NLGN1: variants seen among roughly 807,000 people sequenced by gnomAD.
NLGN1 encodes neuroligin 1, also known as neuroligin-1.
Under a neutral mutation model 65.5 loss-of-function variants are expected in NLGN1, and 12 were observed. The observed-to-expected ratio is 0.18, with a 90% CI of 0.12 to 0.30. The LOEUF (loss-of-function observed/expected upper bound fraction) is 0.30. Ranked by LOEUF, NLGN1 falls within the 10% of genes least tolerant of loss-of-function variation. The probability of loss-of-function intolerance (pLI) is 1.00; values close to 1 mark genes in which losing one functional copy is unlikely to be tolerated. For missense variants in NLGN1, 750 were observed against 1,007.1 expected, an observed-to-expected ratio of 0.74 and a Z score of 3.46; for synonymous variants, 350 against 359.5, an observed-to-expected ratio of 0.97 and a Z score of 0.30.
At chr3:173,983,790 C>G (rs560196634) in intron 4 of NLGN1, among the ~76,000 whole-genome samples, 1 of 152,210 alleles carries the variant, frequency 6.6e-6, no homozygotes, top group African/African-American at 2.4e-5. Context: ...AAAGCAACCC[C>G]CATCCTCACC....
At chr3:173,814,130 G>C (rs74794988) in intron 4 of NLGN1, among the ~76,000 whole-genome samples, 4,560 of 152,268 alleles carry the variant, frequency 0.03, 178 homozygotes, top group East Asian at 0.17. Context: ...TTTCACCCAG[G>C]GTGCGTGTCT....
At chr3:173,614,134 T>C (rs1235770692) in intron 3 of NLGN1, among the ~76,000 whole-genome samples, 1 of 151,858 alleles carries the variant, frequency 6.6e-6, no homozygotes, top group African/African-American at 2.4e-5. Context: ...CTCCAAAAGG[T>C]TTGGGGCTCC....
At chr3:173,480,568 C>T (rs912371317) in intron 2 of NLGN1, among the ~76,000 whole-genome samples, 3 of 152,158 alleles carry the variant, frequency 2.0e-5, no homozygotes, top group African/African-American at 7.2e-5. Flanking sequence ...AGTTACTTTC[C>T]TTATCTCATT....
intron 3 of NLGN1, among the ~76,000 whole-genome samples, chr3:173,798,743 A>G (rs897371575): frequency 6.6e-6 from 1 of 152,082 alleles, no homozygotes; most frequent in Admixed American, 6.6e-5. Flanking sequence ...AATGACCTTG[A>G]AACCGTGACC....
intron 3 of NLGN1, among the ~76,000 whole-genome samples, chr3:173,806,497 A>C (rs1164842650): frequency 3.3e-5 from 5 of 152,138 alleles, no homozygotes; most frequent in African/African-American, 7.2e-5. Context: ...GCATAAAAAA[A>C]GATAATACAT....
chr3:173,795,066 A>C (rs898036629), intron 3 of NLGN1, among the ~76,000 whole-genome samples: 2 of 152,084 alleles, frequency 1.3e-5, no homozygotes, highest in African/African-American at 4.8e-5. Context: ...ACACAAAACT[A>C]AACATAGGGT....
chr3:173,562,846 A>C (rs991462572), intron 2 of NLGN1, among the ~76,000 whole-genome samples: 1 of 152,180 alleles, frequency 6.6e-6, no homozygotes, highest in South Asian at 2.1e-4. Context: ...TCTGTATTCC[A>C]GAAAGCTCTT....
At chr3:173,612,712 C>G (rs6804605) in intron 3 of NLGN1, among the ~76,000 whole-genome samples, 144,243 of 152,178 alleles carry the variant, frequency 0.95, 68,410 homozygotes, top group African/African-American at 0.98. Context: ...CATTGTATCG[C>G]TTTGGTGAAT....
chr3:173,783,708 G>T (rs928390379), intron 3 of NLGN1, among the ~76,000 whole-genome samples: 10 of 152,116 alleles, frequency 6.6e-5, no homozygotes, highest in Admixed American at 3.9e-4. Context: ...TCTGCCTCAT[G>T]GGATTCAGCG....
intron 4 of NLGN1, among the ~76,000 whole-genome samples, chr3:173,854,805 A>G (rs1056239267): frequency 6.6e-6 from 1 of 152,140 alleles, no homozygotes; most frequent in Non-Finnish European, 1.5e-5. Context: ...CATTATTCCC[A>G]TGGTGCAAGG....
At chr3:174,093,445 A>C (rs939391372) in intron 4 of NLGN1, among the ~76,000 whole-genome samples, 14 of 152,204 alleles carry the variant, frequency 9.2e-5, no homozygotes, top group Admixed American at 9.2e-4. Flanking sequence ...TACATGAGCT[A>C]TGCGTTAGAG....
At chr3:173,440,726 A>G (rs1187198317) in intron 2 of NLGN1, among the ~76,000 whole-genome samples, 1 of 152,188 alleles carries the variant, frequency 6.6e-6, no homozygotes, top group Non-Finnish European at 1.5e-5. Context: ...TTCTATTTAT[A>G]GAGCACAGGC....
rs890797103 is a variant in NLGN1 at position 173,560,212 on chromosome 3, G to A, written c.-320-44067G>A. Among the ~76,000 whole-genome samples the A allele has an allele frequency of 9.2e-5, 14 of 152,144 alleles. No homozygotes were observed. In the East Asian group the frequency reaches 2.5e-3, roughly 27 times the overall value. On this transcript the variant is annotated intron_variant, in intron 2 of 6. Coordinates refer to ENST00000457714, the Ensembl canonical transcript of NLGN1. ...TCCCAAAGTGCTGGGATTACTACAA[G>A]CGTGAGCCACCGCGCCCAGCCTAGA...
chr3:173,440,341 T>G (rs567463525), intron 2 of NLGN1, among the ~76,000 whole-genome samples: 1 of 152,178 alleles, frequency 6.6e-6, no homozygotes, highest in African/African-American at 2.4e-5. Context: ...GTTGATATTT[T>G]GATCTCCTCC....
chr3:173,866,644 G>A (rs1479486958), intron 4 of NLGN1, among the ~76,000 whole-genome samples: 1 of 152,060 alleles, frequency 6.6e-6, no homozygotes, highest in African/African-American at 2.4e-5. Flanking sequence ...AACCTCAGCG[G>A]CATTCAATTG....
intron 3 of NLGN1, among the ~76,000 whole-genome samples, chr3:173,800,589 A>AT (rs937342263): frequency 4.9e-4 from 72 of 146,730 alleles, no homozygotes; most frequent in Admixed American, 2.5e-3. Context: ...AAAGAGGGGC[A>AT]TTTTTTTTTT....
chr3:173,527,248 C>T (rs1384369861), intron 2 of NLGN1, among the ~76,000 whole-genome samples: 3 of 152,136 alleles, frequency 2.0e-5, no homozygotes, highest in African/African-American at 7.2e-5. Flanking sequence ...TGGATAAAAG[C>T]CACTCTAACT....
At chr3:173,939,520 T>G (rs1351754062) in intron 4 of NLGN1, among the ~76,000 whole-genome samples, 1 of 152,148 alleles carries the variant, frequency 6.6e-6, no homozygotes, top group Non-Finnish European at 1.5e-5. Context: ...AGGCACATAA[T>G]GATCTTCCTG....
chr3:173,667,715 C>A (rs886545727), intron 3 of NLGN1, among the ~76,000 whole-genome samples: 1 of 152,022 alleles, frequency 6.6e-6, no homozygotes, highest in Non-Finnish European at 1.5e-5. Context: ...CTGCAACCTC[C>A]GCCTCCTGGG....
Sources: allele counts gnomAD v4.1 joint callset (sites outside exome capture counted in the v4.1 genomes callset), GRCh38; gene constraint gnomAD v4.1.1; transcripts MANE v1.5; gene names NCBI Gene and HGNC (gene_info 2026-07-23, HGNC 2026-07-21).